The following CLASP1 variants were observed in gnomAD, a reference collection of about 807,000 sequenced individuals.
CLASP1 encodes cytoplasmic linker associated protein 1.
In CLASP1, 38 loss-of-function variants were observed where a neutral mutation model predicts 192.3. That is an observed-to-expected ratio of 0.20 (90% CI 0.15 to 0.26). CLASP1 has a LOEUF of 0.26. Among genes scored for constraint, CLASP1 ranks in the 10% least tolerant of loss-of-function variants. The probability of loss-of-function intolerance (pLI) is 1.00; values close to 1 mark genes in which losing one functional copy is unlikely to be tolerated. For missense variants in CLASP1, 1,433 were observed against 1,932.5 expected, an observed-to-expected ratio of 0.74 and a Z score of 4.85; for synonymous variants, 691 against 712.8, an observed-to-expected ratio of 0.97 and a Z score of 0.49.
At chr2:121,351,693 T>C (rs2064457938) in intron 37 of CLASP1, among the ~76,000 whole-genome samples, 2 of 152,160 alleles carry the variant, frequency 1.3e-5, no homozygotes, top group African/African-American at 2.4e-5. Context: ...CAGCCACCTC[T>C]GGGGCCTACA....
At chr2:121,625,577 G>T (rs1450233006) in intron 1 of CLASP1, among the ~76,000 whole-genome samples, 1 of 152,018 alleles carries the variant, frequency 6.6e-6, no homozygotes, top group East Asian at 2.0e-4. Context: ...TGGGATTACA[G>T]GCACCCGCCA....
chr2:121,644,300 T>A (rs1176503729), intron 1 of CLASP1, among the ~76,000 whole-genome samples: 2 of 151,460 alleles, frequency 1.3e-5, no homozygotes, highest in Non-Finnish European at 2.9e-5. Flanking sequence ...TATATTCTGG[T>A]CAGGTCATAT....
In CLASP1 at chr2:121,500,385, AAAGAAAG is replaced by A. The variant is rs1206599401; in HGVS notation, c.712+2775_712+2781del. Among the ~76,000 whole-genome samples, 174 of 143,674 alleles carry A rather than the reference AAAGAAAG, an allele frequency of 1.2e-3. 1 individual carries two copies. The highest frequency in any genetic ancestry group is 4.5e-3 in the African/African-American group (165 of 36,928). 94.3% of individuals were successfully genotyped at this position (143,674 alleles called of 152,430 possible). A position where few individuals can be genotyped will look rare whatever the true frequency, so the allele number is the denominator to read the frequency against. On this transcript the variant is annotated intron_variant, in intron 8 of 39. Transcript: ENST00000263710. The stretch of plus-strand genomic sequence containing the variant: ...GAAAGAAAGAAAGAAAGAAAGAAAG[AAAGAAAG>A]AAAGAAAAGAAAGAAAGAAAGAAAA...
intron 39 of CLASP1, among the ~76,000 whole-genome samples, chr2:121,342,107 G>A (rs1277508807): frequency 6.6e-6 from 1 of 151,876 alleles, no homozygotes; most frequent in East Asian, 1.9e-4. Context: ...TAAACTAGAA[G>A]ACATATTTAA....
chr2:121,504,571 C>T (rs1205879141), intron 7 of CLASP1, among the ~76,000 whole-genome samples: 1 of 152,204 alleles, frequency 6.6e-6, no homozygotes, highest in Non-Finnish European at 1.5e-5. Context: ...GGTATTCACA[C>T]AAGCTCTGGT....
chr2:121,608,302 T>C (rs1294861433), intron 1 of CLASP1, among the ~76,000 whole-genome samples: 1 of 152,168 alleles, frequency 6.6e-6, no homozygotes, highest in Non-Finnish European at 1.5e-5. Context: ...TGGTGGTATA[T>C]TAAAAATGGC....
intron 4 of CLASP1, among the ~76,000 whole-genome samples, chr2:121,528,290 G>A (rs1039315146): frequency 3.3e-5 from 5 of 152,064 alleles, no homozygotes; most frequent in Non-Finnish European, 7.4e-5. Context: ...GGCTGTTTTG[G>A]TCCATCCCAG....
intron 1 of CLASP1, among the ~76,000 whole-genome samples, chr2:121,639,539 G>A (rs1489451307): frequency 6.6e-6 from 1 of 152,020 alleles, no homozygotes; most frequent in Non-Finnish European, 1.5e-5. Flanking sequence ...TAGCATTAAT[G>A]TAATTAATGC....
At chr2:121,482,600 G>A (rs1018996728) in intron 8 of CLASP1, among the ~76,000 whole-genome samples, 28 of 152,148 alleles carry the variant, frequency 1.8e-4, no homozygotes, top group African/African-American at 6.3e-4. Context: ...AATATCCAGA[G>A]TACCAAAGAG....
chr2:121,344,169 G>A (rs769056258), intron 39 of CLASP1, among the ~76,000 whole-genome samples: 39 of 152,056 alleles, frequency 2.6e-4, no homozygotes, highest in Admixed American at 2.4e-3. Flanking sequence ...CATAAAACTC[G>A]TAAGTGGGGA....
At chr2:121,527,958 A>G in intron 4 of CLASP1, 68 bp from the exon 5 acceptor site, 2 of 1,290,894 alleles carry the variant, frequency 1.5e-6, no homozygotes, top group South Asian at 2.4e-5. Flanking sequence ...TAAGGGAGCA[A>G]TAGAAGGCAA....
At chr2:121,621,053 C>A (rs1009917249) in intron 1 of CLASP1, among the ~76,000 whole-genome samples, 29 of 151,986 alleles carry the variant, frequency 1.9e-4, no homozygotes, top group African/African-American at 6.5e-4. Context: ...ATGTGGCAAA[C>A]CCTATCTCTA....
chr2:121,408,362 G>C (rs966416815), intron 24 of CLASP1, among the ~76,000 whole-genome samples: 2 of 152,158 alleles, frequency 1.3e-5, no homozygotes, highest in African/African-American at 4.8e-5. Context: ...TTTTATTAAA[G>C]ACTTAGGGTT....
Position 121,554,017 on chromosome 2 carries a change from T to A in CLASP1, c.196-23692A>T, listed in dbSNP as rs1412262160. Among the ~76,000 whole-genome samples the A allele has an allele frequency of 3.3e-5, 5 of 151,160 alleles. No individual in the cohort carries two copies. In the South Asian group the frequency reaches 6.3e-4, roughly 19 times the overall value. Reference sequence around the variant, plus strand: ...CTGCTTAAGCCCAGTAGTTCAAGATTAGCCTAGGCAACATAGTGAGATGCC... The same window carrying A: ...CTGCTTAAGCCCAGTAGTTCAAGATAAGCCTAGGCAACATAGTGAGATGCC... On this transcript the variant is annotated intron_variant, in intron 2 of 39. Transcript: ENST00000263710.
chr2:121,411,971 T>G lies in CLASP1; in HGVS notation c.2321-1002A>C, dbSNP rs1019306426. On this transcript the variant is annotated intron_variant, in intron 23 of 39. Coordinates refer to ENST00000263710, the Ensembl canonical transcript of CLASP1. ...TCTGTGTTAACAAATAAGACTTCGT[T>G]TGGACAACGAAAATCTCTATGTTAG... Among the ~76,000 whole-genome samples the G allele has an allele frequency of 3.9e-5, 6 of 152,180 alleles. No individual in the cohort carries two copies. The South Asian group carries it at 1.2e-3, about 32-fold the overall frequency.
chr2:121,528,584 G>T, intron 4 of CLASP1, 93 bp downstream of exon 4: 1 of 931,796 alleles, frequency 1.1e-6, no homozygotes, highest in East Asian at 2.4e-5. Context: ...AGTCTATGGA[G>T]TCACACCATT....
intron 9 of CLASP1, among the ~76,000 whole-genome samples, chr2:121,465,195 AAGGG>A (rs2089274781): frequency 6.6e-6 from 1 of 152,094 alleles, no homozygotes; most frequent in African/African-American, 2.4e-5. Flanking sequence ...GAAGGAAATA[AAGGG>A]TATTCAATTA....
intron 1 of CLASP1, among the ~76,000 whole-genome samples, chr2:121,626,348 T>C (rs1282642368): frequency 1.3e-5 from 2 of 152,204 alleles, no homozygotes; most frequent in African/African-American, 2.4e-5. Flanking sequence ...AATACACCAA[T>C]AGTTTTAAAT....
chr2:121,639,882 A>G (rs992208730), intron 1 of CLASP1, among the ~76,000 whole-genome samples: 1 of 149,314 alleles, frequency 6.7e-6, no homozygotes, highest in Admixed American at 6.7e-5. Context: ...AAAAAAAAAA[A>G]GGATTATAAA....
Sources: gnomAD v4.1 joint callset for allele counts (sites outside exome capture counted in the v4.1 genomes callset) on GRCh38, gnomAD v4.1.1 for gene constraint, MANE v1.5 for transcripts, NCBI Gene and HGNC (gene_info 2026-07-23, HGNC 2026-07-21) for gene names.